DHX37: variants seen among roughly 807,000 people sequenced by gnomAD.
DHX37 encodes DEAH-box helicase 37, also known as probable ATP-dependent RNA helicase DHX37.
DHX37 carries 52 observed loss-of-function variants against 134.3 expected under a neutral mutation model. The ratio of observed to expected loss-of-function variants is 0.39; its 90% CI spans 0.31 to 0.49. DHX37 has a LOEUF of 0.49. DHX37 is among the 20% of genes least tolerant of loss of function. The pLI, the probability that DHX37 is intolerant of heterozygous loss-of-function variation, is 0.93. For missense variants in DHX37, 1,344 were observed against 1,580.8 expected (o/e 0.85, Z 2.54); for synonymous variants, 634 against 670.7 (o/e 0.95, Z 0.85).
rs945042477 is a variant in DHX37 at position 124,971,557 on chromosome 12, G to A, written c.1078-142C>T. ...CAGAGGTGAGCTGCTCAACTCAGATGCCCGCAGAGTGGGAGGGCAGGTGGG... is the reference window on the plus strand; with the variant it reads ...CAGAGGTGAGCTGCTCAACTCAGATACCCGCAGAGTGGGAGGGCAGGTGGG... On this transcript the variant is annotated intron_variant, in intron 7 of 26. Coordinates refer to ENST00000308736, the MANE Select transcript of DHX37 (RefSeq NM_032656.4). 2.8e-5 allele frequency: 38 copies of A among 1,371,232 alleles called. 1 individual carries two copies. Among genetic ancestry groups the A allele is most frequent in the Non-Finnish European group, 3.4e-5 (35 of 1,015,140 alleles). 84.9% of individuals were successfully genotyped at this position (1,371,232 alleles called of 1,614,324 possible).
At chr12:124,982,454 C>T in intron 3 of DHX37, 57 bp downstream of exon 3, 3 of 1,600,170 alleles carry the variant, frequency 1.9e-6, no homozygotes, top group Middle Eastern at 1.9e-4. Flanking sequence ...AACCTGTGCG[C>T]CCTCCCTAGG....
chr12:124,975,405 A>C lies in DHX37; in HGVS notation c.980+14T>G, dbSNP rs1954616366. 7 of 1,612,000 alleles carry C rather than the reference A, an allele frequency of 4.3e-6. No individual in the cohort carries two copies. Among genetic ancestry groups the C allele is most frequent in the Admixed American group, 1.7e-5 (1 of 59,962 alleles). ...ACCACCCCATAGTCCGCCCCAGGGAAGTAGAGCCCTCACCGCTGGGACAGA... is the reference window on the plus strand; with the variant it reads ...ACCACCCCATAGTCCGCCCCAGGGACGTAGAGCCCTCACCGCTGGGACAGA... On this transcript the variant is annotated intron_variant, in intron 6 of 26. Transcript: ENST00000308736.
intron 15 of DHX37, 56 bp downstream of exon 15, chr12:124,964,338 C>T: frequency 6.2e-7 from 1 of 1,602,588 alleles, no homozygotes; most frequent in African/African-American, 1.3e-5. Context: ...CCTTGTTCCT[C>T]AGTGGCTATT....
At chr12:124,967,850 C>T (rs2135949641) in intron 10 of DHX37, among the ~76,000 whole-genome samples, 1 of 152,246 alleles carries the variant, frequency 6.6e-6, no homozygotes, top group South Asian at 2.1e-4. Context: ...AGGCAGCTCA[C>T]CTGAGGTCAG....
rs369900132 is a variant in DHX37 at position 124,957,087 on chromosome 12, C to G, written c.2206G>C (p.Ala736Pro). Residue 736 changes from alanine to proline, a missense_variant, in exon 17 of 27, where the codon GCC becomes CCC. Transcript: ENST00000308736. ...PTPPSVEALL[A>P]AEELLIALGA... is the part of the protein sequence containing the mutation. ...AGTGCGATCAACAGCTCCTCGGCGGCAAGAAGGGCTTCCACGGAGGGGGGC... is the reference window on the plus strand; with the variant it reads ...AGTGCGATCAACAGCTCCTCGGCGGGAAGAAGGGCTTCCACGGAGGGGGGC... The G allele has an allele frequency of 1.3e-6, 2 of 1,495,730 alleles. No homozygotes were observed. The highest frequency in any genetic ancestry group is 8.9e-7 in the Non-Finnish European group (1 of 1,127,108). 92.7% of individuals were successfully genotyped at this position (1,495,730 alleles called of 1,614,324 possible). A position where few individuals can be genotyped will look rare whatever the true frequency, so the allele number is the denominator to read the frequency against.
rs543035575 is a variant in DHX37 at position 124,968,899 on chromosome 12, G to A, written c.1261C>T (p.Arg421Trp). 44 of 1,614,104 alleles carry A rather than the reference G, an allele frequency of 2.7e-5. No individual in the cohort carries two copies. The highest frequency in any genetic ancestry group is 2.2e-4 in the Admixed American group (13 of 60,032). Residue 421 changes from arginine to tryptophan, a missense_variant, in exon 9 of 27, where the codon CGG becomes TGG. Transcript: ENST00000308736. ...LRVEDFTQNP[R>W]LFAKPPPVIK... ...ACCGGCGGCGGCTTGGCGAAGAGCC[G>A]TGGGTTCTGGGTGAAGTCCTCCACC...
Position 124,956,727 on chromosome 12 carries a change from C to T in DHX37, c.2417G>A (p.Ser806Asn), listed in dbSNP as rs201210792. ...CLPYAITIVASMTVRELFEEL... is the reference protein window; with the variant it reads ...CLPYAITIVANMTVRELFEEL... ...CTCAAACAGCTCCCGCACCGTCATG[C>T]TGGCCACGATGGTGATGGCATAGGG... The change falls in exon 18 of 27, where the codon AGC becomes AAC. Residue 806 changes from serine to asparagine, a missense_variant. Physicochemically the swap from Ser to Asn is conservative, Grantham distance 46. This residue lies in a region of DHX37 where 558 missense variants were observed against 650.0 expected (regional missense o/e 0.86). Coordinates refer to ENST00000308736, the MANE Select transcript of DHX37 (RefSeq NM_032656.4). 18 of 1,593,464 alleles carry T rather than the reference C, an allele frequency of 1.1e-5. No individual in the cohort carries two copies. The highest frequency in any genetic ancestry group is 9.1e-5 in the East Asian group (4 of 44,158).
At chr12:124,965,342 A>G (rs1272281748) in intron 13 of DHX37, among the ~76,000 whole-genome samples, 1 of 151,988 alleles carries the variant, frequency 6.6e-6, no homozygotes, top group African/African-American at 2.4e-5. Context: ...GTACTGGGGT[A>G]CTCTCTGCTG....
rs757245596 is a variant in DHX37, at chr12:124,954,167, C to T, written c.2498G>A (p.Arg833Gln). ...DEELTRLKSK[R>Q]ARVAQMKRTW... ...CCTCTTCATCTGGGCCACCCGGGCC[C>T]GCTTGCTCTTCAGCCTGGTGAGCTC... The change falls in exon 19 of 27, where the codon CGG becomes CAG. Residue 833 changes from arginine to glutamine, a missense_variant. Physicochemically the swap from Arg to Gln is conservative, Grantham distance 43 (BLOSUM62 1). Transcript: ENST00000308736. 17 of 1,611,618 alleles carry T rather than the reference C, an allele frequency of 1.1e-5. No homozygotes were observed. Among genetic ancestry groups the T allele is most frequent in the Admixed American group, 3.4e-5 (2 of 59,464 alleles).
At chr12:124,952,053 GAGA>G (rs1444776898) in intron 21 of DHX37, among the ~76,000 whole-genome samples, 7 of 152,062 alleles carry the variant, frequency 4.6e-5, no homozygotes, top group Admixed American at 4.6e-4. Flanking sequence ...AGGCTGTGGC[GAGA>G]AGGTTATTTG....
intron 1 of DHX37, 44 bp from the exon 2 acceptor site, chr12:124,986,309 C>T (rs1243308730): frequency 1.9e-6 from 3 of 1,598,508 alleles, no homozygotes; most frequent in Non-Finnish European, 2.6e-6. Flanking sequence ...CTTGAGGTAG[C>T]TCTGGTCCCG....
chr12:124,987,070 G>A (rs1954887625), intron 1 of DHX37, among the ~76,000 whole-genome samples: 1 of 152,128 alleles, frequency 6.6e-6, no homozygotes. Context: ...AGAGTGTACG[G>A]TGGGGCCGGG....
At chr12:124,967,416 C>T (rs954038524) in intron 10 of DHX37, among the ~76,000 whole-genome samples, 198 bp from the exon 11 acceptor site, 11 of 152,164 alleles carry the variant, frequency 7.2e-5, no homozygotes, top group Admixed American at 1.3e-4. Flanking sequence ...ACAAACACGG[C>T]GACTGCACAG....
At chr12:124,967,281 G>T in intron 10 of DHX37, 63 bp from the exon 11 acceptor site, 1 of 1,550,886 alleles carries the variant, frequency 6.4e-7, no homozygotes, top group Non-Finnish European at 8.7e-7. Flanking sequence ...CTTAGCAAAA[G>T]CACCTGCCAA....
At chr12:124,971,438 GC>G (rs1954521424) in intron 7 of DHX37, 23 bp from the exon 8 acceptor site, 2 of 1,610,112 alleles carry the variant, frequency 1.2e-6, no homozygotes, top group African/African-American at 2.7e-5. Flanking sequence ...CCGGGGTGAG[GC>G]CCACCCTTCC....
chr12:124,957,486 G>A (rs147951189), intron 16 of DHX37, among the ~76,000 whole-genome samples: 1 of 152,316 alleles, frequency 6.6e-6, no homozygotes, highest in East Asian at 1.9e-4. Context: ...AGTCAGTGAG[G>A]CATAATACGA....
intron 10 of DHX37, among the ~76,000 whole-genome samples, 175 bp from the exon 11 acceptor site, chr12:124,967,393 G>T (rs1173042330): frequency 6.6e-6 from 1 of 152,178 alleles, no homozygotes; most frequent in Non-Finnish European, 1.5e-5. Flanking sequence ...AGCAGCTGCC[G>T]CCAGGGAGTT....
chr12:124,968,042 T>C (rs765506264), intron 10 of DHX37, among the ~76,000 whole-genome samples: 1 of 151,068 alleles, frequency 6.6e-6, no homozygotes, highest in Non-Finnish European at 1.5e-5. Flanking sequence ...GATCTGCCAC[T>C]GCACTCCAGC....
At chr12:124,960,720 G>C (rs1954219658) in intron 15 of DHX37, among the ~76,000 whole-genome samples, 1 of 152,224 alleles carries the variant, frequency 6.6e-6, no homozygotes, top group Non-Finnish European at 1.5e-5. Context: ...TTGGAAGGCT[G>C]GGGTGGGTGG....
Sources: gnomAD v4.1 joint callset for allele counts (sites outside exome capture counted in the v4.1 genomes callset) on GRCh38, gnomAD v4.1.1 for gene constraint, gnomAD v4.1.1 regional missense constraint, MANE v1.5 for transcripts, NCBI Gene and HGNC (gene_info 2026-07-23, HGNC 2026-07-21) for gene names.